ZIM2: variants seen among roughly 807,000 people sequenced by gnomAD.
ZIM2 encodes zinc finger imprinted 2.
A neutral mutation model predicts 38.6 loss-of-function variants in ZIM2; 14 were observed. The ratio of observed to expected loss-of-function variants is 0.36; its 90% CI spans 0.24 to 0.57. The LOEUF (loss-of-function observed/expected upper bound fraction) is 0.57. Ranked by LOEUF, ZIM2 falls within the 20% of genes least tolerant of loss-of-function variation. The pLI, the probability that ZIM2 is intolerant of heterozygous loss-of-function variation, is 0.81. For missense variants in ZIM2, 680 were observed against 695.1 expected (o/e 0.98, Z 0.24); for synonymous variants, 247 against 245.8 (o/e 1.00, Z -0.04).
chr19:56,795,822 C>CA (rs1378854639), intron 9 of ZIM2, among the ~76,000 whole-genome samples: 1 of 152,044 alleles, frequency 6.6e-6, no homozygotes, highest in Non-Finnish European at 1.5e-5. Flanking sequence ...GCCTGGGCGA[C>CA]AGAGCGAGAC....
At chr19:56,793,684 G>A (rs2047055635) in intron 9 of ZIM2, among the ~76,000 whole-genome samples, 2 of 152,090 alleles carry the variant, frequency 1.3e-5, no homozygotes, top group African/African-American at 4.8e-5. Context: ...CCTCCAAAAT[G>A]TCCAAAATGA....
chr19:56,781,960 G>A lies in ZIM2; in HGVS notation c.732C>T (p.Val244=). 1 of 1,613,598 alleles carries A rather than the reference G, an allele frequency of 6.2e-7. No individual in the cohort carries two copies. Among genetic ancestry groups the A allele is most frequent in the Non-Finnish European group, 8.5e-7 (1 of 1,179,680 alleles). ...EVMLENYRNL[V]SLGHQFSKPD... The stretch of plus-strand genomic sequence containing the variant: ...TGGAGAAGGCATACTTACCCAGGGA[G>A]ACCAGGTTCCGGTAATTCTCCAGCA... The change falls in exon 11 of 13, where the codon GTC becomes GTT. Residue 244 remains valine, a synonymous_variant. Transcript: ENST00000629319.
chr19:56,832,560 C>T (rs2061677870), intron 2 of ZIM2, among the ~76,000 whole-genome samples: 1 of 152,250 alleles, frequency 6.6e-6, no homozygotes, highest in Non-Finnish European at 1.5e-5. Flanking sequence ...CCTCTGCTCT[C>T]TCTTCAGAGC....
At chr19:56,813,522 T>A in intron 9 of ZIM2, 1 of 1,436,938 alleles carries the variant, frequency 7.0e-7, no homozygotes, top group East Asian at 2.5e-5. Context: ...ACATTCGGTC[T>A]CTTTTCAATC....
At chr19:56,811,827 C>G (rs2059562647) in intron 9 of ZIM2, 1 of 985,482 alleles carries the variant, frequency 1.0e-6, no homozygotes, top group Non-Finnish European at 1.2e-6. Flanking sequence ...TCAATTCATT[C>G]TCAGAAACCT....
chr19:56,791,497 T>G (rs762751644), intron 9 of ZIM2, among the ~76,000 whole-genome samples: 15 of 152,218 alleles, frequency 9.9e-5, no homozygotes, highest in Non-Finnish European at 2.1e-4. Flanking sequence ...CTATCTTTAT[T>G]GAGCCATGCA....
chr19:56,797,124 C>T (rs1310681300), intron 9 of ZIM2, among the ~76,000 whole-genome samples: 1 of 152,124 alleles, frequency 6.6e-6, no homozygotes, highest in Non-Finnish European at 1.5e-5. Context: ...CCAGCCTAAT[C>T]AACATGGTGA....
At chr19:56,832,508 T>C (rs1601220243) in intron 2 of ZIM2, among the ~76,000 whole-genome samples, 1 of 152,340 alleles carries the variant, frequency 6.6e-6, no homozygotes, top group South Asian at 2.1e-4. Flanking sequence ...GGCTTGAAGG[T>C]GGGCTCCCAC....
At chr19:56,831,268 A>G (rs1468348443) in intron 2 of ZIM2, among the ~76,000 whole-genome samples, 1 of 152,272 alleles carries the variant, frequency 6.6e-6, no homozygotes, top group Non-Finnish European at 1.5e-5. Flanking sequence ...CAACTGTGTA[A>G]AAGTCTATAG....
rs1329708575 is a variant in ZIM2 at position 56,815,163 on chromosome 19, G to T, written c.490+2583C>A. 3 of 1,613,940 alleles carry T rather than the reference G, an allele frequency of 1.9e-6. No homozygotes were observed. In the East Asian group the frequency reaches 6.7e-5, roughly 36 times the overall value. On this transcript the variant is annotated intron_variant, in intron 9 of 12. Transcript: ENST00000629319. ...GGTCATCCTTCTGAGGGTCTTCCATGTCTGAGCCTTGAATGACAGGGTCTT... is the reference window on the plus strand; with the variant it reads ...GGTCATCCTTCTGAGGGTCTTCCATTTCTGAGCCTTGAATGACAGGGTCTT...
Position 56,775,175 on chromosome 19 carries a change from TAGA to T in ZIM2, c.1187_1189del (p.Phe396del). The T allele has an allele frequency of 6.2e-7, 1 of 1,614,166 alleles. No individual in the cohort carries two copies. Among genetic ancestry groups the T allele is most frequent in the Non-Finnish European group, 8.5e-7 (1 of 1,180,030 alleles). ...ATGTCTGTTGAGGTGTGGCATGAGATAGAAGGCTTCAGCACACTGTTTACATTC... is the reference window on the plus strand; with the variant it reads ...ATGTCTGTTGAGGTGTGGCATGAGATAGGCTTCAGCACACTGTTTACATTC... On this transcript the variant is annotated inframe_deletion, in exon 13 of 13. Transcript: ENST00000629319.
chr19:56,819,947 C>G (rs1347141304), intron 7 of ZIM2, among the ~76,000 whole-genome samples: 2 of 152,106 alleles, frequency 1.3e-5, no homozygotes, highest in Non-Finnish European at 2.9e-5. Context: ...TGCCTGTGTC[C>G]TGCCACAAAA....
intron 2 of ZIM2, chr19:56,833,384 G>A (rs898905792): frequency 1.7e-5 from 6 of 349,960 alleles, no homozygotes; most frequent in South Asian, 4.3e-5. Context: ...GTGTGGTCTC[G>A]TCTCTCTTCT....
chr19:56,812,732 A>G (rs535631582), intron 9 of ZIM2: 2 of 985,252 alleles, frequency 2.0e-6, no homozygotes, highest in African/African-American at 3.5e-5. Context: ...GTTGTAACCC[A>G]TTCTTTAAAG....
chr19:56,835,913 G>A (rs1458696870), intron 2 of ZIM2, 105 bp downstream of exon 2: 1 of 434,052 alleles, frequency 2.3e-6, no homozygotes, highest in Non-Finnish European at 4.7e-6. Context: ...ATGGTGCTGG[G>A]GTGGCTATGT....
At chr19:56,811,904 G>A (rs908612063) in intron 9 of ZIM2, 1 of 984,764 alleles carries the variant, frequency 1.0e-6, no homozygotes, top group Non-Finnish European at 1.2e-6. Context: ...TAGATCTGGT[G>A]ATATATTAGG....
At chr19:56,802,379 A>G (rs1185959309) in intron 9 of ZIM2, among the ~76,000 whole-genome samples, 1 of 152,220 alleles carries the variant, frequency 6.6e-6, no homozygotes, top group African/African-American at 2.4e-5. Context: ...AATATAAACT[A>G]GATCAAACGA....
intron 9 of ZIM2, chr19:56,815,732 G>T: frequency 6.2e-7 from 1 of 1,614,140 alleles, no homozygotes; most frequent in East Asian, 2.2e-5. Context: ...CTTTTCTGAG[G>T]TTTGGCACGG....
At chr19:56,797,508 TTC>T (rs1047611795) in intron 9 of ZIM2, among the ~76,000 whole-genome samples, 35 of 152,176 alleles carry the variant, frequency 2.3e-4, no homozygotes, top group Non-Finnish European at 1.5e-5. Context: ...TCTTTTCTAT[TTC>T]TTTCTGTTTA....
Sources: allele counts gnomAD v4.1 joint callset (sites outside exome capture counted in the v4.1 genomes callset), GRCh38; gene constraint gnomAD v4.1.1; transcripts MANE v1.5; gene names NCBI Gene and HGNC (gene_info 2026-07-23, HGNC 2026-07-21).